The following RBM23 variants were observed in gnomAD, a reference collection of about 807,000 sequenced individuals.
RBM23 encodes the protein probable RNA-binding protein 23.
A neutral mutation model predicts 56.2 loss-of-function variants in RBM23; 53 were observed. That is an observed-to-expected ratio of 0.94 (90% CI 0.76 to 1.19). The LOEUF is 1.19. Among genes scored for constraint, RBM23 ranks in the 50% most tolerant of loss-of-function variants. The pLI, the probability that RBM23 is intolerant of heterozygous loss-of-function variation, is 0.00. For missense variants in RBM23, 642 were observed against 590.3 expected (o/e 1.09, Z -0.91); for synonymous variants, 197 against 198.5 (o/e 0.99, Z 0.06).
At chr14:22,915,789 C>T (rs988233668) in intron 1 of RBM23, among the ~76,000 whole-genome samples, 13 of 152,226 alleles carry the variant, frequency 8.5e-5, no homozygotes, top group African/African-American at 1.9e-4. Flanking sequence ...CCACTGTGCC[C>T]GGCCTTCTAC....
chr14:22,899,613 T>C lies in RBM23; in HGVS notation c.*2117A>G, dbSNP rs1451298748. On this transcript the variant is annotated 3_prime_UTR_variant, in exon 14 of 14. Coordinates refer to ENST00000359890, the MANE Select transcript of RBM23 (RefSeq NM_001077351.2). The stretch of plus-strand genomic sequence containing the variant: ...CCAGGCTGGTCTTGAACTGACCTCG[T>C]GATCCACCCACCTCGGCCTCCCAAA... The C allele has an allele frequency of 6.6e-6, 1 of 152,342 alleles. No homozygotes were observed. The highest frequency in any genetic ancestry group is 1.5e-5 in the Non-Finnish European group (1 of 68,160). The allele number at this position is 152,342 out of a possible 1,614,324, so 9.4% of individuals were successfully genotyped here.
In RBM23 at chr14:22,901,329, T is replaced by C; in HGVS notation, c.*401A>G. The C allele has an allele frequency of 8.5e-6, 2 of 234,942 alleles. No homozygotes were observed. Among genetic ancestry groups the C allele is most frequent in the Non-Finnish European group, 1.7e-5 (2 of 119,696 alleles). The allele number at this position is 234,942 out of a possible 1,614,324, so 14.6% of individuals were successfully genotyped here. A position where few individuals can be genotyped will look rare whatever the true frequency, so the allele number is the denominator to read the frequency against. On this transcript the variant is annotated 3_prime_UTR_variant, in exon 14 of 14. Coordinates refer to ENST00000359890, the MANE Select transcript of RBM23 (RefSeq NM_001077351.2). Reference sequence around the variant, plus strand: ...GATTCAGAGGTCCTAAGGGTTTTCCTTGACAGACTAAAGGTTAAAGGTACA... The same window carrying C: ...GATTCAGAGGTCCTAAGGGTTTTCCCTGACAGACTAAAGGTTAAAGGTACA...
intron 2 of RBM23, among the ~76,000 whole-genome samples, chr14:22,910,131 A>AGCCTAGTG (rs2042205447): frequency 8.6e-6 from 1 of 115,960 alleles, no homozygotes. Context: ...CAGCCTGGGC[A>AGCCTAGTG]GCCTAGTGAG....
chr14:22,896,930 T>A lies in RBM23; in HGVS notation c.*4800A>T, dbSNP rs1595045350. 6.6e-6 allele frequency: 1 copy of A among 152,354 alleles called. No individual in the cohort carries two copies. The highest frequency in any genetic ancestry group is 1.5e-5 in the Non-Finnish European group (1 of 68,034). The allele number at this position is 152,354 out of a possible 1,614,324, so 9.4% of individuals were successfully genotyped here. A position where few individuals can be genotyped will look rare whatever the true frequency, so the allele number is the denominator to read the frequency against. The stretch of plus-strand genomic sequence containing the variant: ...CTCAGACCGGAATTCCTTTCCTGCA[T>A]CCAGCTCGTGACTATTGCCTTCACC... On this transcript the variant is annotated 3_prime_UTR_variant, in exon 14 of 14. Coordinates refer to ENST00000359890, the MANE Select transcript of RBM23 (RefSeq NM_001077351.2).
chr14:22,906,216 C>T lies in RBM23; in HGVS notation c.380G>A (p.Arg127Lys), dbSNP rs573878040. The T allele has an allele frequency of 6.2e-7, 1 of 1,614,234 alleles. No homozygotes were observed. Among genetic ancestry groups the T allele is most frequent in the African/African-American group, 1.3e-5 (1 of 75,070 alleles). ...ATACCCAGTGGCAAGTGGAGGACTC[C>T]TGTAATGCACACGATCCTCACGACG... ...DHRREDRVHY[R>K]SPPLATGYRY... Residue 127 changes from arginine to lysine, a missense_variant, in exon 5 of 14, where the codon AGG becomes AAG. Coordinates refer to ENST00000359890, the MANE Select transcript of RBM23 (RefSeq NM_001077351.2).
At chr14:22,910,695 C>A (rs1318553892) in intron 2 of RBM23, among the ~76,000 whole-genome samples, 1 of 151,706 alleles carries the variant, frequency 6.6e-6, no homozygotes, top group Non-Finnish European at 1.5e-5. Context: ...ATAGCAAGAC[C>A]CTGTCTCTAT....
chr14:22,911,531 C>T (rs1411577612), intron 1 of RBM23, 128 bp from the exon 2 acceptor site: 10 of 713,204 alleles, frequency 1.4e-5, no homozygotes, highest in East Asian at 8.2e-5. Flanking sequence ...GTTTCTTGAA[C>T]TGCAAAGAAA....
Position 22,901,638 on chromosome 14 carries a change from G to A in RBM23, c.*92C>T. 1.3e-6 allele frequency: 2 copies of A among 1,535,344 alleles called. No individual in the cohort carries two copies. The highest frequency in any genetic ancestry group is 9.0e-7 in the Non-Finnish European group (1 of 1,109,980). On this transcript the variant is annotated 3_prime_UTR_variant, in exon 14 of 14. Transcript: ENST00000359890. ...AATGTCCATGCCCTCAGGATGGCTT[G>A]GTCCACAAAATGGAGAAATGGGGCC...
At position 22,899,917 on chromosome 14, in the gene RBM23, C is replaced by T. The variant is rs1008883331; in HGVS notation, c.*1813G>A. 10 of 152,228 alleles carry T rather than the reference C, an allele frequency of 6.6e-5. No homozygotes were observed. The highest frequency in any genetic ancestry group is 2.2e-4 in the African/African-American group (9 of 41,546). 9.4% of individuals were successfully genotyped at this position (152,228 alleles called of 1,614,324 possible). On this transcript the variant is annotated 3_prime_UTR_variant, in exon 14 of 14. Transcript: ENST00000359890. Reference sequence around the variant, plus strand: ...TAAGAAAGTCTTAGCATTTTGTTGCCATAGAGATCAAAAAAGGAGCCCCAC... The same window carrying T: ...TAAGAAAGTCTTAGCATTTTGTTGCTATAGAGATCAAAAAAGGAGCCCCAC...
rs145949229 is a variant in RBM23, at chr14:22,899,254, A to G, written c.*2476T>C. 3.3e-5 allele frequency: 5 copies of G among 152,342 alleles called. No homozygotes were observed. In the East Asian group the frequency reaches 9.6e-4, roughly 29 times the overall value. The allele number at this position is 152,342 out of a possible 1,614,324, so 9.4% of individuals were successfully genotyped here. A position where few individuals can be genotyped will look rare whatever the true frequency, so the allele number is the denominator to read the frequency against. On this transcript the variant is annotated 3_prime_UTR_variant, in exon 14 of 14. Transcript: ENST00000359890. ...CATGAGAGAGGGCTGTTATAAAGCA[A>G]GTTTGGCCCATGGTCCCTTTGTCTC...
Position 22,901,361 on chromosome 14 carries a change from G to C in RBM23, c.*369C>G. 1 of 275,076 alleles carries C rather than the reference G, an allele frequency of 3.6e-6. No homozygotes were observed. Among genetic ancestry groups the C allele is most frequent in the South Asian group, 6.3e-5 (1 of 15,900 alleles). The allele number at this position is 275,076 out of a possible 1,614,324, so 17.0% of individuals were successfully genotyped here. ...ACTAAAGGTTAAAGGTACAGGAAAAGGAGAGAGGTCAGTTCCTTCAGTATG... is the reference window on the plus strand; with the variant it reads ...ACTAAAGGTTAAAGGTACAGGAAAACGAGAGAGGTCAGTTCCTTCAGTATG... On this transcript the variant is annotated 3_prime_UTR_variant, in exon 14 of 14. Transcript: ENST00000359890.
Position 22,898,531 on chromosome 14 carries a change from G to A in RBM23, c.*3199C>T, listed in dbSNP as rs1409961935. 1 of 152,094 alleles carries A rather than the reference G, an allele frequency of 6.6e-6. No individual in the cohort carries two copies. Among genetic ancestry groups the A allele is most frequent in the African/African-American group, 2.4e-5 (1 of 41,372 alleles). 9.4% of individuals were successfully genotyped at this position (152,094 alleles called of 1,614,324 possible). ...CCTCGTATGGAGGGATGAGTAACAA[G>A]AAGGCACTGAGTCACACACGGACAG... On this transcript the variant is annotated 3_prime_UTR_variant, in exon 14 of 14. Coordinates refer to ENST00000359890, the MANE Select transcript of RBM23 (RefSeq NM_001077351.2).
At chr14:22,903,218 A>C in intron 10 of RBM23, 2 of 985,526 alleles carry the variant, frequency 2.0e-6, no homozygotes, top group South Asian at 4.7e-5. Flanking sequence ...CCTGCTGACC[A>C]GAAGGCCTTT....
At chr14:22,902,626 G>A in intron 10 of RBM23, 1 of 1,219,436 alleles carries the variant, frequency 8.2e-7, no homozygotes, top group Non-Finnish European at 1.0e-6. Flanking sequence ...ATCTAACAAT[G>A]CAAAATTTTA....
At chr14:22,904,697 T>C (rs1286759378) in intron 9 of RBM23, among the ~76,000 whole-genome samples, 178 bp downstream of exon 9, 1 of 152,138 alleles carries the variant, frequency 6.6e-6, no homozygotes, top group African/African-American at 2.4e-5. Context: ...TCTAACTTAT[T>C]TGTCCACCAA....
At chr14:22,903,261 C>G in intron 10 of RBM23, 1 of 985,454 alleles carries the variant, frequency 1.0e-6, no homozygotes, top group Non-Finnish European at 1.2e-6. Flanking sequence ...CAGCACCCAG[C>G]AACACACTGG....
At chr14:22,912,699 T>C (rs561135181) in intron 1 of RBM23, among the ~76,000 whole-genome samples, 1 of 151,940 alleles carries the variant, frequency 6.6e-6, no homozygotes, top group East Asian at 1.9e-4. Context: ...TTCTAAAAAA[T>C]GCAAACTAGG....
Position 22,901,796 on chromosome 14 carries a change from C to G in RBM23, c.1316+18G>C, listed in dbSNP as rs781490971. 2.9e-5 allele frequency: 46 copies of G among 1,613,968 alleles called. No individual in the cohort carries two copies. Among genetic ancestry groups the G allele is most frequent in the Non-Finnish European group, 3.3e-5 (39 of 1,179,940 alleles). ...GAGAATAATCAAAGGCTAGAATGAG[C>G]TAGACCCTGAGACTCACATGGTCTG... On this transcript the variant is annotated intron_variant, in intron 13 of 13. Coordinates refer to ENST00000359890, the MANE Select transcript of RBM23 (RefSeq NM_001077351.2).
At chr14:22,903,269 T>C (rs2040937615) in intron 10 of RBM23, 2 of 985,446 alleles carry the variant, frequency 2.0e-6, no homozygotes, top group Non-Finnish European at 2.4e-6. Flanking sequence ...AGCAACACAC[T>C]GGTACAAAGA....
Sources: allele counts gnomAD v4.1 joint callset (sites outside exome capture counted in the v4.1 genomes callset), GRCh38; gene constraint gnomAD v4.1.1; transcripts MANE v1.5; gene names NCBI Gene and HGNC (gene_info 2026-07-23, HGNC 2026-07-21).